Variants in SAMD12 observed in about 807,000 individuals in gnomAD.
The protein encoded by SAMD12 is sterile alpha motif domain-containing protein 12.
Under a neutral mutation model 15.0 loss-of-function variants are expected in SAMD12, and 9 were observed. The observed-to-expected ratio is 0.60, with a 90% confidence interval of 0.36 to 1.05. The LOEUF (loss-of-function observed/expected upper bound fraction) is 1.05. SAMD12 is among the 50% of genes least tolerant of loss of function. The pLI is 0.01. For synonymous variants in SAMD12, 86 were observed against 90.1 expected, an observed-to-expected ratio of 0.96 and a Z score of 0.25; for missense variants, 230 against 234.2, an observed-to-expected ratio of 0.98 and a Z score of 0.12.
intron 4 of SAMD12, among the ~76,000 whole-genome samples, chr8:118,309,049 A>G (rs1250458283): frequency 6.6e-6 from 1 of 152,072 alleles, no homozygotes; most frequent in Admixed American, 6.5e-5. Flanking sequence ...TTACATGAAT[A>G]AGTTCTTTAG....
downstream of SAMD12, among the ~76,000 whole-genome samples, chr8:118,188,450 A>G (rs1309211501): frequency 6.6e-6 from 1 of 152,214 alleles, no homozygotes; most frequent in Non-Finnish European, 1.5e-5. Flanking sequence ...GGAGTCAGTA[A>G]GCTAACCTAA....
At chr8:118,330,275 T>C (rs1056983181) in intron 4 of SAMD12, among the ~76,000 whole-genome samples, 9 of 152,200 alleles carry the variant, frequency 5.9e-5, no homozygotes, top group African/African-American at 1.9e-4. Context: ...TTCCTGGATA[T>C]GTAGAAAAAC....
At chr8:118,350,858 C>T (rs376149107) in intron 4 of SAMD12, among the ~76,000 whole-genome samples, 3 of 152,264 alleles carry the variant, frequency 2.0e-5, no homozygotes, top group African/African-American at 7.2e-5. Flanking sequence ...AAATGTGGTA[C>T]CCAAACAGCC....
intron 2 of SAMD12, among the ~76,000 whole-genome samples, chr8:118,504,657 G>A (rs1170000758): frequency 6.6e-6 from 1 of 152,192 alleles, no homozygotes; most frequent in Non-Finnish European, 1.5e-5. Context: ...GGATTGTCCT[G>A]GTGGGCCCCA....
chr8:118,584,020 C>T (rs1827361014), intron 1 of SAMD12, among the ~76,000 whole-genome samples: 1 of 152,162 alleles, frequency 6.6e-6, no homozygotes, highest in African/African-American at 2.4e-5. Flanking sequence ...TTCCTTTACG[C>T]AATCATGCCT....
chr8:118,297,066 T>A (rs1167534953), intron 4 of SAMD12, among the ~76,000 whole-genome samples: 6 of 152,214 alleles, frequency 3.9e-5, no homozygotes, highest in African/African-American at 1.4e-4. Context: ...GATAGACAAC[T>A]ATTAATTAAT....
chr8:118,367,015 G>A (rs773016170), intron 4 of SAMD12, among the ~76,000 whole-genome samples: 7 of 151,872 alleles, frequency 4.6e-5, no homozygotes, highest in Non-Finnish European at 7.4e-5. Flanking sequence ...CTCAAGACTG[G>A]ACCAATGGCT....
the SAMD12 span, among the ~76,000 whole-genome samples, chr8:118,165,631 T>TAC: frequency 7.3e-4 from 101 of 138,982 alleles, no homozygotes; most frequent in African/African-American, 2.9e-3. Flanking sequence ...TATATATATA[T>TAC]ATATACATAT....
intron 4 of SAMD12, among the ~76,000 whole-genome samples, chr8:118,316,433 G>T (rs1368693536): frequency 6.6e-6 from 1 of 151,754 alleles, no homozygotes; most frequent in East Asian, 1.9e-4. Context: ...CTACTTGGGA[G>T]GCTGAGGCAG....
At chr8:118,264,888 C>T (rs973038051) in intron 4 of SAMD12, among the ~76,000 whole-genome samples, 1 of 152,150 alleles carries the variant, frequency 6.6e-6, no homozygotes, top group South Asian at 2.1e-4. Context: ...CTCAAGACTT[C>T]TATCTACTCT....
chr8:118,235,965 T>C (rs988969552), intron 4 of SAMD12, among the ~76,000 whole-genome samples: 5 of 152,202 alleles, frequency 3.3e-5, no homozygotes, highest in African/African-American at 1.2e-4. Flanking sequence ...TGCCACGGAC[T>C]ATGTGATATG....
chr8:118,261,321 C>G (rs57431662), intron 4 of SAMD12, among the ~76,000 whole-genome samples: 16 of 152,112 alleles, frequency 1.1e-4, no homozygotes, highest in African/African-American at 3.4e-4. Context: ...TTCTTCACTG[C>G]TAACCTCAAA....
At chr8:118,241,412 C>T (rs1351894185) in intron 4 of SAMD12, among the ~76,000 whole-genome samples, 1 of 152,108 alleles carries the variant, frequency 6.6e-6, no homozygotes, top group Admixed American at 6.5e-5. Context: ...ACACTAACAC[C>T]TCTGCCTCTT....
chr8:118,470,257 T>TA (rs58224508), intron 2 of SAMD12, among the ~76,000 whole-genome samples: 21 of 143,252 alleles, frequency 1.5e-4, no homozygotes, highest in South Asian at 4.3e-4. Flanking sequence ...TTTTTTTTTT[T>TA]AAAAAAAAAG....
At chr8:118,498,491 C>A (rs7015005) in intron 2 of SAMD12, among the ~76,000 whole-genome samples, 1 of 152,066 alleles carries the variant, frequency 6.6e-6, no homozygotes, top group African/African-American at 2.4e-5. Flanking sequence ...AATCAGAATG[C>A]GAAATCACTG....
intron 4 of SAMD12, among the ~76,000 whole-genome samples, chr8:118,361,010 A>C (rs1433724461): frequency 6.6e-6 from 1 of 152,006 alleles, no homozygotes; most frequent in Non-Finnish European, 1.5e-5. Flanking sequence ...GTTTAATATG[A>C]CCTAAATGTT....
intron 4 of SAMD12, among the ~76,000 whole-genome samples, chr8:118,345,663 T>C (rs1236567023): frequency 1.3e-5 from 2 of 152,132 alleles, no homozygotes; most frequent in Non-Finnish European, 2.9e-5. Context: ...AACTAGCCAA[T>C]GGGGCAAGGA....
chr8:118,363,973 G>A (rs1336027046), intron 4 of SAMD12, among the ~76,000 whole-genome samples: 1 of 152,154 alleles, frequency 6.6e-6, no homozygotes, highest in Non-Finnish European at 1.5e-5. Flanking sequence ...GTGAAGATTT[G>A]GGAAACTTTA....
downstream of SAMD12, among the ~76,000 whole-genome samples, chr8:118,187,011 T>C (rs1819254211): frequency 6.6e-6 from 1 of 152,334 alleles, no homozygotes; most frequent in South Asian, 2.1e-4. Context: ...TATGCATTCT[T>C]ATTCCCCTCT....
Sources: gnomAD v4.1 joint callset for allele counts (sites outside exome capture counted in the v4.1 genomes callset) on GRCh38, gnomAD v4.1.1 for gene constraint, MANE v1.5 for transcripts, NCBI Gene and HGNC (gene_info 2026-07-23, HGNC 2026-07-21) for gene names.